Variants in ACVR2B observed in about 807,000 individuals in gnomAD.
The protein encoded by ACVR2B is activin A receptor type 2B.
ACVR2B carries 18 observed loss-of-function variants against 65.1 expected under a neutral mutation model. The ratio of observed to expected loss-of-function variants is 0.28; its 90% CI spans 0.19 to 0.41. ACVR2B has a LOEUF of 0.41. ACVR2B is among the 10% of genes least tolerant of loss of function. The probability of loss-of-function intolerance (pLI) is 1.00; values close to 1 mark genes in which losing one functional copy is unlikely to be tolerated. For missense variants in ACVR2B, 482 were observed against 682.7 expected (o/e 0.71, Z 3.28); for synonymous variants, 298 against 277.7 (o/e 1.07, Z -0.73).
Position 38,481,451 on chromosome 3 carries a change from G to T in ACVR2B, c.1060G>T (p.Asp354Tyr). Reference protein sequence around the residue: ...VRFEPGKPPGDTHGQVGTRRY... With the variant: ...VRFEPGKPPGYTHGQVGTRRY... ...ATTTGAGCCAGGGAAACCTCCAGGG[G>T]ACACCCACGGACAGGTAACAGGCCT... Residue 354 changes from aspartate to tyrosine, a missense_variant, in exon 8 of 11, where the codon GAC (aspartate) becomes TAC (tyrosine). By Grantham distance (160) the Asp-to-Tyr change is radical (BLOSUM62 -3). Around this residue, in one of 5 missense-constraint regions of ACVR2B, gnomAD observed 223 missense variants for 386.3 expected, o/e 0.58. Coordinates refer to ENST00000352511, the MANE Select transcript of ACVR2B (RefSeq NM_001106.4). The surrounding 1 kb of genome is among the most constrained non-coding windows in gnomAD (Gnocchi z 4.7). The T allele has an allele frequency of 1.2e-6, 2 of 1,614,146 alleles. No homozygotes were observed. The highest frequency in any genetic ancestry group is 1.7e-6 in the Non-Finnish European group (2 of 1,179,970).
rs1482313301 is a variant in ACVR2B, at chr3:38,483,385, A to G, written c.*53A>G. ...TCAGTGGATCTGAAGAAAAAAGGAA[A>G]AAAAGTTGTGTTTTGTTTTGGAAAT... On this transcript the variant is annotated 3_prime_UTR_variant, in exon 11 of 11. Coordinates refer to ENST00000352511, the MANE Select transcript of ACVR2B (RefSeq NM_001106.4). This position sits in a 1 kb window ranked among gnomAD's most constrained non-coding sequence, Gnocchi z 4.8. 1.3e-6 allele frequency: 2 copies of G among 1,600,000 alleles called. No homozygotes were observed. Among genetic ancestry groups the G allele is most frequent in the African/African-American group, 2.7e-5 (2 of 74,674 alleles).
rs1019557602 is a variant in ACVR2B, at chr3:38,492,302, C to G, written c.*8970C>G. The G allele has an allele frequency of 6.6e-6, 1 of 152,558 alleles. No homozygotes were observed. The highest frequency in any genetic ancestry group is 1.5e-5 in the Non-Finnish European group (1 of 68,020). The allele number at this position is 152,558 out of a possible 1,614,324, so 9.5% of individuals were successfully genotyped here. On this transcript the variant is annotated 3_prime_UTR_variant, in exon 11 of 11. Transcript: ENST00000352511. The stretch of plus-strand genomic sequence containing the variant: ...TGTGTGTTGGGCTTAGGATGGATAG[C>G]TAAGTCTTATTGAGCTGTGTTACCT...
In ACVR2B at chr3:38,486,837, A is replaced by T. The variant is rs1710130669; in HGVS notation, c.*3505A>T. On this transcript the variant is annotated 3_prime_UTR_variant, in exon 11 of 11. Coordinates refer to ENST00000352511, the MANE Select transcript of ACVR2B (RefSeq NM_001106.4). ...CCCTAGTTGGAGAAATCCAGTAATGAGCAGAAGGAGGAAGCAAGTGAGGAC... is the reference window on the plus strand; with the variant it reads ...CCCTAGTTGGAGAAATCCAGTAATGTGCAGAAGGAGGAAGCAAGTGAGGAC... 1 of 152,330 alleles carries T rather than the reference A, an allele frequency of 6.6e-6. No individual in the cohort carries two copies. The highest frequency in any genetic ancestry group is 1.5e-5 in the Non-Finnish European group (1 of 68,142). 9.4% of individuals were successfully genotyped at this position (152,330 alleles called of 1,614,324 possible).
Position 38,477,287 on chromosome 3 carries a change from G to A in ACVR2B, c.53G>A (p.Gly18Asp), listed in dbSNP as rs527993143. The A allele has an allele frequency of 6.2e-7, 1 of 1,614,016 alleles. No homozygotes were observed. The highest frequency in any genetic ancestry group is 8.5e-7 in the Non-Finnish European group (1 of 1,179,938). Reference sequence around the variant, plus strand: ...TGGTTCTCTTTTCTCTGGGGCACAGGCTCTGGGCGTGGGGAGGCTGAGACA... The same window carrying A: ...TGGTTCTCTTTTCTCTGGGGCACAGACTCTGGGCGTGGGGAGGCTGAGACA... Reference protein sequence around the residue: ...LALLWGSLCAGSGRGEAETRE... With the variant: ...LALLWGSLCADSGRGEAETRE... The change falls in exon 2 of 11, where the codon GGC (glycine) becomes GAC (aspartate). Residue 18 changes from glycine (G) to aspartate (D), a missense_variant and splice_region_variant. By Grantham distance (94) the Gly-to-Asp change is moderately conservative. Coordinates refer to ENST00000352511, the MANE Select transcript of ACVR2B (RefSeq NM_001106.4). This position sits in a 1 kb window ranked among gnomAD's most constrained non-coding sequence, Gnocchi z 6.7.
Position 38,488,756 on chromosome 3 carries a change from A to C in ACVR2B, c.*5424A>C, listed in dbSNP as rs1710164327. 1 of 152,162 alleles carries C rather than the reference A, an allele frequency of 6.6e-6. No homozygotes were observed. The highest frequency in any genetic ancestry group is 1.5e-5 in the Non-Finnish European group (1 of 68,036). 9.4% of individuals were successfully genotyped at this position (152,162 alleles called of 1,614,324 possible). A position where few individuals can be genotyped will look rare whatever the true frequency, so the allele number is the denominator to read the frequency against. On this transcript the variant is annotated 3_prime_UTR_variant, in exon 11 of 11. Coordinates refer to ENST00000352511, the MANE Select transcript of ACVR2B (RefSeq NM_001106.4). Reference sequence around the variant, plus strand: ...TATGGCAGCTCATAGAGGTAACCGAAGTGATTTTTCCTCAGTAATTGAAAC... The same window carrying C: ...TATGGCAGCTCATAGAGGTAACCGACGTGATTTTTCCTCAGTAATTGAAAC...
chr3:38,485,061 C>G lies in ACVR2B; in HGVS notation c.*1729C>G, dbSNP rs143059929. 6.6e-6 allele frequency: 1 copy of G among 152,330 alleles called. No homozygotes were observed. Among genetic ancestry groups the G allele is most frequent in the East Asian group, 1.9e-4 (1 of 5,182 alleles). 9.4% of individuals were successfully genotyped at this position (152,330 alleles called of 1,614,324 possible). On this transcript the variant is annotated 3_prime_UTR_variant, in exon 11 of 11. Coordinates refer to ENST00000352511, the MANE Select transcript of ACVR2B (RefSeq NM_001106.4). ...TTGTGAAGGCTTTTCCTTCTGGTTTCTTTAGATCATTTTATTTAAAAACAG... is the reference window on the plus strand; with the variant it reads ...TTGTGAAGGCTTTTCCTTCTGGTTTGTTTAGATCATTTTATTTAAAAACAG...
In ACVR2B at chr3:38,477,512, C is replaced by T. The variant is rs1206540308; in HGVS notation, c.260+18C>T. Reference sequence around the variant, plus strand: ...TACGATAGGTACCCCAAGACTTGCCCTCCTTTCCTCTTGGACCCACCTGCG... The same window carrying T: ...TACGATAGGTACCCCAAGACTTGCCTTCCTTTCCTCTTGGACCCACCTGCG... On this transcript the variant is annotated intron_variant, in intron 2 of 10. Coordinates refer to ENST00000352511, the MANE Select transcript of ACVR2B (RefSeq NM_001106.4). This position sits in a 1 kb window ranked among gnomAD's most constrained non-coding sequence, Gnocchi z 6.7. The T allele has an allele frequency of 6.2e-7, 1 of 1,611,278 alleles. No homozygotes were observed. The highest frequency in any genetic ancestry group is 8.5e-7 in the Non-Finnish European group (1 of 1,178,762).
chr3:38,477,946 T>C lies in ACVR2B; in HGVS notation c.346T>C (p.Leu116=). 1 of 1,614,068 alleles carries C rather than the reference T, an allele frequency of 6.2e-7. No homozygotes were observed. Among genetic ancestry groups the C allele is most frequent in the Non-Finnish European group, 8.5e-7 (1 of 1,180,006 alleles). The change falls in exon 3 of 11, where the codon TTG becomes CTG. Residue 116 remains leucine (L), a synonymous_variant. Coordinates refer to ENST00000352511, the MANE Select transcript of ACVR2B (RefSeq NM_001106.4). This position sits in a 1 kb window ranked among gnomAD's most constrained non-coding sequence, Gnocchi z 6.7. ...GNFCNERFTH[L]PEAGGPEVTY... Reference sequence around the variant, plus strand: ...CTTCTGCAACGAACGCTTCACTCATTTGCCAGAGGCTGGGGGCCCGGAAGG... The same window carrying C: ...CTTCTGCAACGAACGCTTCACTCATCTGCCAGAGGCTGGGGGCCCGGAAGG...
chr3:38,476,059 T>A (rs1709902562), intron 1 of ACVR2B: 1 of 152,188 alleles, frequency 6.6e-6, no homozygotes, highest in Non-Finnish European at 1.5e-5. Context: ...CCTGCCTCCA[T>A]TGTGGGCGGC....
intron 1 of ACVR2B, among the ~76,000 whole-genome samples, chr3:38,462,825 G>A (rs947602896): frequency 1.3e-5 from 2 of 152,020 alleles, no homozygotes; most frequent in Non-Finnish European, 1.5e-5. Context: ...GTATGTTATT[G>A]GTTTTAATAG....
rs1324588932 is a variant in ACVR2B, at chr3:38,484,914, GAAA to G, written c.*1586_*1588del. ...GAAGTTTAAAAGAAATAGAGAAAAA[GAAA>G]AAAGTTTGCATCTTCTAGGGAGTGC... On this transcript the variant is annotated 3_prime_UTR_variant, in exon 11 of 11. Coordinates refer to ENST00000352511, the MANE Select transcript of ACVR2B (RefSeq NM_001106.4). 1.3e-5 allele frequency: 2 copies of G among 152,516 alleles called. No individual in the cohort carries two copies. Among genetic ancestry groups the G allele is most frequent in the African/African-American group, 2.4e-5 (1 of 41,418 alleles). The allele number at this position is 152,516 out of a possible 1,614,324, so 9.4% of individuals were successfully genotyped here.
intron 1 of ACVR2B, among the ~76,000 whole-genome samples, chr3:38,469,547 T>G (rs1437043032): frequency 6.6e-6 from 1 of 151,996 alleles, no homozygotes; most frequent in African/African-American, 2.4e-5. Context: ...CCCGAGAATT[T>G]ATAACCATAG....
rs913501714 is a variant in ACVR2B, at chr3:38,484,349, G to C, written c.*1017G>C. Reference sequence around the variant, plus strand: ...AGTTGAAATACTTTTGTTTCCTCTTGGAGCAGTTCAGGGAAATGCCCACAG... The same window carrying C: ...AGTTGAAATACTTTTGTTTCCTCTTCGAGCAGTTCAGGGAAATGCCCACAG... On this transcript the variant is annotated 3_prime_UTR_variant, in exon 11 of 11. Transcript: ENST00000352511. The C allele has an allele frequency of 2.1e-4, 32 of 152,216 alleles. No individual in the cohort carries two copies. The highest frequency in any genetic ancestry group is 7.2e-4 in the African/African-American group (30 of 41,466). The allele number at this position is 152,216 out of a possible 1,614,324, so 9.4% of individuals were successfully genotyped here. A position where few individuals can be genotyped will look rare whatever the true frequency, so the allele number is the denominator to read the frequency against.
At chr3:38,465,825 G>A (rs189880142) in intron 1 of ACVR2B, among the ~76,000 whole-genome samples, 31 of 152,252 alleles carry the variant, frequency 2.0e-4, no homozygotes, top group Admixed American at 7.8e-4. Flanking sequence ...GTGAATCCCA[G>A]GTAAGACAAT....
At chr3:38,466,502 A>C (rs1709730249) in intron 1 of ACVR2B, among the ~76,000 whole-genome samples, 1 of 138,722 alleles carries the variant, frequency 7.2e-6, no homozygotes, top group Non-Finnish European at 1.6e-5. Context: ...TTTAAACCAA[A>C]ACTTCTTTTT....
intron 1 of ACVR2B, among the ~76,000 whole-genome samples, chr3:38,455,830 G>A (rs1709541076): frequency 6.6e-6 from 1 of 152,158 alleles, no homozygotes; most frequent in Non-Finnish European, 1.5e-5. Flanking sequence ...AAGTGAAAGG[G>A]GAGGCATTGG....
chr3:38,477,054 G>A lies in ACVR2B; in HGVS notation c.53-233G>A. On this transcript the variant is annotated intron_variant, in intron 1 of 10. Coordinates refer to ENST00000352511, the MANE Select transcript of ACVR2B (RefSeq NM_001106.4). The surrounding 1 kb of genome is among the most constrained non-coding windows in gnomAD (Gnocchi z 6.7). ...TCCCTTTTGCTTAGGCCTAGGGGCA[G>A]CTGTGATGGGCTGCAGAATGAGGTG... is the stretch of plus-strand genomic sequence containing the variant. 1.7e-6 allele frequency: 1 copy of A among 599,068 alleles called. No individual in the cohort carries two copies. Among genetic ancestry groups the A allele is most frequent in the Non-Finnish European group, 3.0e-6 (1 of 336,180 alleles). 37.1% of individuals were successfully genotyped at this position (599,068 alleles called of 1,614,324 possible). A position where few individuals can be genotyped will look rare whatever the true frequency, so the allele number is the denominator to read the frequency against.
chr3:38,482,471 G>A lies in ACVR2B; in HGVS notation c.1255G>A (p.Gly419Ser). 6.2e-7 allele frequency: 1 copy of A among 1,612,968 alleles called. No individual in the cohort carries two copies. Among genetic ancestry groups the A allele is most frequent in the South Asian group, 1.1e-5 (1 of 90,922 alleles). Residue 419 changes from glycine (G) to serine (S), a missense_variant, in exon 10 of 11, where the codon GGC becomes AGC. Around this residue, in one of 5 missense-constraint regions of ACVR2B, gnomAD observed 223 missense variants for 386.3 expected, o/e 0.58. Coordinates refer to ENST00000352511, the MANE Select transcript of ACVR2B (RefSeq NM_001106.4). ...EYMLPFEEEI[G>S]QHPSLEELQE... ...CATGCTGCCCTTTGAGGAAGAGATT[G>A]GCCAGCACCCTTCGTTGGAGGAGCT...
chr3:38,484,192 A>G lies in ACVR2B; in HGVS notation c.*860A>G, dbSNP rs556728332. ...TGGCCCTGACCAGTTTCTTTTCACT[A>G]ACTTGGCCTTGGGCATAGGATGAAA... On this transcript the variant is annotated 3_prime_UTR_variant, in exon 11 of 11. Coordinates refer to ENST00000352511, the MANE Select transcript of ACVR2B (RefSeq NM_001106.4). The G allele has an allele frequency of 3.9e-5, 6 of 152,646 alleles. No homozygotes were observed. Among genetic ancestry groups the G allele is most frequent in the Admixed American group, 3.3e-4 (5 of 15,294 alleles). 9.5% of individuals were successfully genotyped at this position (152,646 alleles called of 1,614,324 possible).
Sources: gnomAD v4.1 joint callset for allele counts (sites outside exome capture counted in the v4.1 genomes callset) on GRCh38, gnomAD v4.1.1 for gene constraint, gnomAD v4.1.1 regional missense constraint, Gnocchi (gnomAD v3.1) non-coding constraint, MANE v1.5 for transcripts, NCBI Gene and HGNC (gene_info 2026-07-23, HGNC 2026-07-21) for gene names.